The following LDB2 variants were observed in gnomAD, a reference collection of about 807,000 sequenced individuals.
The protein encoded by LDB2 is LIM domain-binding protein 2.
In LDB2, 12 loss-of-function variants were observed where a neutral mutation model predicts 44.3. The observed-to-expected ratio is 0.27, with a 90% confidence interval of 0.17 to 0.44. The LOEUF is 0.44. Ranked by LOEUF, LDB2 falls within the 20% of genes least tolerant of loss-of-function variation. The probability of loss-of-function intolerance (pLI) is 1.00; values close to 1 mark genes in which losing one functional copy is unlikely to be tolerated. For synonymous variants in LDB2, 164 were observed against 174.8 expected (o/e 0.94, Z 0.49); for missense variants, 344 against 473.5 (o/e 0.73, Z 2.54).
At position 16,677,298 on chromosome 4, in the gene LDB2, C is replaced by G. The variant is rs139301702; in HGVS notation, c.236-81423G>C. 2.1e-4 allele frequency among the ~76,000 whole-genome samples: 32 copies of G among 152,278 alleles called. No homozygotes were observed. In the East Asian group the frequency reaches 5.4e-3, roughly 26 times the overall value. On this transcript the variant is annotated intron_variant, in intron 2 of 7. Transcript: ENST00000304523. ...GCTGCCAAGGGTCTTCTGAGCTTACCTAACAAAAGCAAAACAAATAAGCAT... is the reference window on the plus strand; with the variant it reads ...GCTGCCAAGGGTCTTCTGAGCTTACGTAACAAAAGCAAAACAAATAAGCAT...
intron 1 of LDB2, among the ~76,000 whole-genome samples, chr4:16,889,076 C>G (rs929674533): frequency 2.8e-5 from 4 of 144,128 alleles, no homozygotes; most frequent in Non-Finnish European, 5.9e-5. Flanking sequence ...CTCTCTCTCT[C>G]TCTCTCACAC....
chr4:16,724,745 C>G (rs1759058945), intron 2 of LDB2, among the ~76,000 whole-genome samples: 1 of 152,058 alleles, frequency 6.6e-6, no homozygotes, highest in Non-Finnish European at 1.5e-5. Flanking sequence ...AATCCAAACC[C>G]TATGCAAACT....
At chr4:16,875,732 G>A (rs1718169862) in intron 1 of LDB2, among the ~76,000 whole-genome samples, 1 of 152,192 alleles carries the variant, frequency 6.6e-6, no homozygotes, top group South Asian at 2.1e-4. Flanking sequence ...CTTTATGTAA[G>A]CAGACGGCCA....
chr4:16,759,414 C>G, intron 1 of LDB2, 154 bp from the exon 2 acceptor site: 1 of 590,688 alleles, frequency 1.7e-6, no homozygotes. Context: ...TGGGCGGTCA[C>G]TCTTCAAATT....
intron 2 of LDB2, among the ~76,000 whole-genome samples, chr4:16,673,356 T>G (rs1483457529): frequency 6.6e-6 from 1 of 152,196 alleles, no homozygotes; most frequent in Admixed American, 6.5e-5. Context: ...GTTGACTAAA[T>G]GAATAATTAT....
At chr4:16,807,333 A>G (rs1778972364) in intron 1 of LDB2, among the ~76,000 whole-genome samples, 1 of 152,252 alleles carries the variant, frequency 6.6e-6, no homozygotes, top group Admixed American at 6.5e-5. Flanking sequence ...AATTATGGAT[A>G]ATAACCAAAG....
At chr4:16,881,590 G>C (rs560301583) in intron 1 of LDB2, among the ~76,000 whole-genome samples, 205 of 140,594 alleles carry the variant, frequency 1.5e-3, no homozygotes, top group South Asian at 3.3e-3. Context: ...ATTCGGGGAG[G>C]GGAATTTGGG....
chr4:16,629,827 A>G (rs1017404192), intron 2 of LDB2, among the ~76,000 whole-genome samples: 3 of 152,094 alleles, frequency 2.0e-5, no homozygotes, highest in Non-Finnish European at 4.4e-5. Flanking sequence ...CAAGCGGAAG[A>G]AAGGATATCA....
intron 5 of LDB2, among the ~76,000 whole-genome samples, chr4:16,523,441 A>T (rs1727027376): frequency 6.6e-6 from 1 of 152,294 alleles, no homozygotes; most frequent in Non-Finnish European, 1.5e-5. Flanking sequence ...GAAATACTTT[A>T]TGGCCTCTCT....
chr4:16,719,444 C>T (rs535733364), intron 2 of LDB2, among the ~76,000 whole-genome samples: 10 of 152,106 alleles, frequency 6.6e-5, no homozygotes, highest in Admixed American at 3.3e-4. Context: ...ATCCCTTTGA[C>T]GCTTGTTCTT....
At chr4:16,563,420 A>G (rs1019784244) in intron 5 of LDB2, among the ~76,000 whole-genome samples, 1 of 128,350 alleles carries the variant, frequency 7.8e-6, no homozygotes, top group Non-Finnish European at 1.6e-5. Flanking sequence ...CCATCTCATC[A>G]GTCATCAGAT....
At chr4:16,878,180 T>C (rs1490942217) in intron 1 of LDB2, among the ~76,000 whole-genome samples, 2 of 152,350 alleles carry the variant, frequency 1.3e-5, no homozygotes, top group Admixed American at 6.5e-5. Flanking sequence ...AAGTTGGACG[T>C]GGAGAATTGA....
chr4:16,849,056 C>G (rs1232069373), intron 1 of LDB2, among the ~76,000 whole-genome samples: 1 of 152,188 alleles, frequency 6.6e-6, no homozygotes, highest in African/African-American at 2.4e-5. Context: ...ATTCCTTTCC[C>G]CGATCTACAA....
chr4:16,755,012 G>A (rs773067691), intron 2 of LDB2, among the ~76,000 whole-genome samples: 5 of 152,128 alleles, frequency 3.3e-5, no homozygotes, highest in African/African-American at 9.7e-5. Flanking sequence ...CCTTCTCCAC[G>A]TATCTCTCCT....
At chr4:16,769,996 T>C (rs573246155) in intron 1 of LDB2, among the ~76,000 whole-genome samples, 2 of 152,352 alleles carry the variant, frequency 1.3e-5, no homozygotes, top group African/African-American at 4.8e-5. Context: ...TTCATGTATT[T>C]GAATCTCCAG....
At position 16,501,602 on chromosome 4, in the gene LDB2, C is replaced by G. The variant is rs1232363802; in HGVS notation, c.*1041G>C. 6.6e-6 allele frequency: 1 copy of G among 152,614 alleles called. No homozygotes were observed. Among genetic ancestry groups the G allele is most frequent in the Non-Finnish European group, 1.5e-5 (1 of 68,044 alleles). 9.5% of individuals were successfully genotyped at this position (152,614 alleles called of 1,614,324 possible). A position where few individuals can be genotyped will look rare whatever the true frequency, so the allele number is the denominator to read the frequency against. ...TCAGTAAAGCATACATAAAATACAG[C>G]TGTTTTTTAACACACGGAGCCACTG... is the stretch of plus-strand genomic sequence containing the variant. On this transcript the variant is annotated 3_prime_UTR_variant, in exon 8 of 8. Coordinates refer to ENST00000304523, the MANE Select transcript of LDB2 (RefSeq NM_001290.5).
At chr4:16,788,267 C>A (rs1458497634) in intron 1 of LDB2, among the ~76,000 whole-genome samples, 2 of 152,236 alleles carry the variant, frequency 1.3e-5, no homozygotes, top group African/African-American at 4.8e-5. Flanking sequence ...GCAAGGTATG[C>A]TTTGCTCACT....
chr4:16,793,781 T>C (rs1776215266), intron 1 of LDB2, among the ~76,000 whole-genome samples: 1 of 152,134 alleles, frequency 6.6e-6, no homozygotes, highest in South Asian at 2.1e-4. Context: ...AGAACATCAA[T>C]CTGAACCATG....
At chr4:16,529,144 A>G (rs904471824) in intron 5 of LDB2, among the ~76,000 whole-genome samples, 2 of 152,204 alleles carry the variant, frequency 1.3e-5, no homozygotes, top group Non-Finnish European at 2.9e-5. Flanking sequence ...AGATGAGGAA[A>G]GGGAAACCAG....
Sources: allele counts gnomAD v4.1 joint callset (sites outside exome capture counted in the v4.1 genomes callset), GRCh38; gene constraint gnomAD v4.1.1; transcripts MANE v1.5; gene names NCBI Gene and HGNC (gene_info 2026-07-23, HGNC 2026-07-21).